Variants in CCSER1 observed in about 807,000 individuals in gnomAD.
CCSER1 encodes the protein coiled-coil serine rich protein 1.
A neutral mutation model predicts 82.0 loss-of-function variants in CCSER1; 41 were observed. That is an observed-to-expected ratio of 0.50 (90% CI 0.39 to 0.65). The LOEUF (loss-of-function observed/expected upper bound fraction) is 0.65, where lower values mean the gene tolerates loss of function less well. Ranked by LOEUF, CCSER1 falls within the 30% of genes least tolerant of loss-of-function variation. CCSER1 has a pLI of 0.00. For synonymous variants in CCSER1, 414 were observed against 383.9 expected, an observed-to-expected ratio of 1.08 and a Z score of -0.92; for missense variants, 1,119 against 1,064.2, an observed-to-expected ratio of 1.05 and a Z score of -0.72.
At chr4:90,347,185 A>G (rs1038213527) in intron 3 of CCSER1, among the ~76,000 whole-genome samples, 17 of 152,200 alleles carry the variant, frequency 1.1e-4, no homozygotes, top group African/African-American at 4.1e-4. Flanking sequence ...AGCATAAATA[A>G]TAGGACAGAT....
intron 4 of CCSER1, among the ~76,000 whole-genome samples, chr4:90,458,522 T>C (rs1762475630): frequency 6.6e-6 from 1 of 151,952 alleles, no homozygotes; most frequent in South Asian, 2.1e-4. Flanking sequence ...CTGGCTAATT[T>C]TTTTTTATTT....
At chr4:90,403,355 C>T (rs982026023) in intron 4 of CCSER1, among the ~76,000 whole-genome samples, 43 of 151,312 alleles carry the variant, frequency 2.8e-4, no homozygotes, top group African/African-American at 3.6e-4. Flanking sequence ...AAAAATTAGC[C>T]GGGCGTAGTG....
At chr4:90,581,037 A>G (rs28537257) in intron 5 of CCSER1, among the ~76,000 whole-genome samples, 1,929 of 152,230 alleles carry the variant, frequency 0.013, 38 homozygotes, top group African/African-American at 0.044. Flanking sequence ...TTACCTGAAA[A>G]ACTGCTTGAA....
chr4:91,334,227 CTACTT>C (rs1193339928), intron 10 of CCSER1, among the ~76,000 whole-genome samples: 1 of 152,046 alleles, frequency 6.6e-6, no homozygotes, highest in African/African-American at 2.4e-5. Context: ...TTTTACCTCT[CTACTT>C]ATTTCTTATC....
intron 10 of CCSER1, among the ~76,000 whole-genome samples, chr4:91,113,082 A>C (rs1726224452): frequency 6.6e-6 from 1 of 152,234 alleles, no homozygotes; most frequent in African/African-American, 2.4e-5. Context: ...AGAAATTATT[A>C]CATTTTTAAA....
intron 9 of CCSER1, among the ~76,000 whole-genome samples, chr4:91,084,749 T>C (rs1376999487): frequency 6.6e-6 from 1 of 152,156 alleles, no homozygotes; most frequent in Admixed American, 6.6e-5. Context: ...ATAAATGGTA[T>C]GCCATGTTGA....
chr4:90,983,129 C>T (rs898881438), intron 9 of CCSER1, among the ~76,000 whole-genome samples: 1 of 151,726 alleles, frequency 6.6e-6, no homozygotes, highest in African/African-American at 2.4e-5. Context: ...CTATCACAAC[C>T]TTTTAACAGT....
At chr4:90,602,317 A>T (rs994179329) in intron 5 of CCSER1, among the ~76,000 whole-genome samples, 1 of 152,154 alleles carries the variant, frequency 6.6e-6, no homozygotes, top group Non-Finnish European at 1.5e-5. Context: ...GGCTATTATT[A>T]ATATAACCTC....
At chr4:91,538,396 G>A (rs138981782) in intron 10 of CCSER1, among the ~76,000 whole-genome samples, 1 of 151,686 alleles carries the variant, frequency 6.6e-6, no homozygotes, top group Non-Finnish European at 1.5e-5. Flanking sequence ...GAATAAGTTT[G>A]TTCTGAAACA....
rs1411514783 is a variant in CCSER1, at chr4:91,055,370, A to G, written c.2173-30580A>G. On this transcript the variant is annotated intron_variant, in intron 9 of 10. Transcript: ENST00000509176. ...ATGAACTAATTGTTGTTTATTTTTA[A>G]TGCATTAGTCTCTTAAATTATGTAG... is the stretch of plus-strand genomic sequence containing the variant. Among the ~76,000 whole-genome samples the G allele has an allele frequency of 2.0e-5, 3 of 152,326 alleles. No individual in the cohort carries two copies. In the East Asian group the frequency reaches 5.8e-4, roughly 29 times the overall value.
intron 1 of CCSER1, among the ~76,000 whole-genome samples, chr4:90,148,319 T>C (rs1726196561): frequency 6.6e-6 from 1 of 152,202 alleles, no homozygotes; most frequent in Non-Finnish European, 1.5e-5. Flanking sequence ...TCTGATAGTT[T>C]GTGGATCCAC....
intron 4 of CCSER1, among the ~76,000 whole-genome samples, chr4:90,426,590 G>A (rs1191742805): frequency 6.6e-6 from 1 of 152,050 alleles, no homozygotes; most frequent in Non-Finnish European, 1.5e-5. Context: ...TTTAAAAGCC[G>A]AGATTTCTTA....
intron 9 of CCSER1, among the ~76,000 whole-genome samples, chr4:91,006,331 T>C (rs1738502130): frequency 6.6e-6 from 1 of 151,766 alleles, no homozygotes; most frequent in South Asian, 2.1e-4. Flanking sequence ...CTAATTTCTG[T>C]AGGTTAATTT....
At chr4:91,110,442 C>G (rs1454873059) in intron 10 of CCSER1, among the ~76,000 whole-genome samples, 1 of 151,966 alleles carries the variant, frequency 6.6e-6, no homozygotes, top group African/African-American at 2.4e-5. Context: ...TCTGTTACTT[C>G]ACTTTGAATT....
intron 10 of CCSER1, among the ~76,000 whole-genome samples, chr4:91,339,392 G>GAAAGA (rs1747542556): frequency 6.6e-6 from 1 of 151,748 alleles, no homozygotes; most frequent in Non-Finnish European, 1.5e-5. Flanking sequence ...CTTTGTTTTT[G>GAAAGA]AATCACTTTT....
chr4:90,871,316 C>T (rs1032377460), intron 8 of CCSER1, among the ~76,000 whole-genome samples: 8 of 151,600 alleles, frequency 5.3e-5, no homozygotes, highest in African/African-American at 1.5e-4. Context: ...TATAGCTATA[C>T]ATTTTTCTCT....
intron 9 of CCSER1, among the ~76,000 whole-genome samples, chr4:90,948,407 A>T (rs1732514383): frequency 6.6e-6 from 1 of 151,874 alleles, no homozygotes; most frequent in Non-Finnish European, 1.5e-5. Context: ...GAGAACATTA[A>T]TCAGAGTTTT....
chr4:90,991,387 A>G (rs1015310580), intron 9 of CCSER1, among the ~76,000 whole-genome samples: 3 of 151,982 alleles, frequency 2.0e-5, no homozygotes, highest in Non-Finnish European at 4.4e-5. Context: ...TCATCAGGCC[A>G]TGCTGTCTCT....
rs182973901 is a variant in CCSER1, at chr4:90,345,652, G to T, written c.1509+32605G>T. On this transcript the variant is annotated intron_variant, in intron 3 of 10. Transcript: ENST00000509176. ...AATGAACAGACAAATTAACAAAAAC[G>T]TTTATTGAACTTATGCTAAAGGCAC... 1.9e-3 allele frequency among the ~76,000 whole-genome samples: 295 copies of T among 152,032 alleles called. 1 individual carries two copies. Among genetic ancestry groups the T allele is most frequent in the African/African-American group, 6.2e-3 (257 of 41,522 alleles).
Sources: allele counts gnomAD v4.1 joint callset (sites outside exome capture counted in the v4.1 genomes callset), GRCh38; gene constraint gnomAD v4.1.1; transcripts MANE v1.5; gene names NCBI Gene and HGNC (gene_info 2026-07-23, HGNC 2026-07-21).